The following TRIM24 variants were observed in gnomAD, a reference collection of about 807,000 sequenced individuals.
TRIM24 encodes the protein tripartite motif containing 24, also known as transcription intermediary factor 1-alpha.
In TRIM24, 29 loss-of-function variants were observed where a neutral mutation model predicts 123.9. The observed-to-expected ratio is 0.23, with a 90% CI of 0.17 to 0.32. TRIM24 has a LOEUF of 0.32. Ranked by LOEUF, TRIM24 falls within the 10% of genes least tolerant of loss-of-function variation. TRIM24 has a pLI of 1.00. For synonymous variants in TRIM24, 456 were observed against 461.1 expected (o/e 0.99, Z 0.14); for missense variants, 932 against 1,295.3 (o/e 0.72, Z 4.31).
chr7:138,531,204 T>C (rs995354262), intron 6 of TRIM24, among the ~76,000 whole-genome samples: 2 of 147,918 alleles, frequency 1.4e-5, no homozygotes, highest in African/African-American at 5.3e-5. Context: ...CATGTATACA[T>C]GTATACGTGT....
intron 11 of TRIM24, 48 bp from the exon 12 acceptor site, chr7:138,573,459 T>C (rs1485779786): frequency 6.7e-7 from 1 of 1,491,718 alleles, no homozygotes; most frequent in Non-Finnish European, 8.9e-7. Context: ...AAAGTAGCTT[T>C]TAACTTGCAA....
chr7:138,573,319 C>T (rs1797693469), intron 11 of TRIM24, among the ~76,000 whole-genome samples, 188 bp from the exon 12 acceptor site: 1 of 152,122 alleles, frequency 6.6e-6, no homozygotes, highest in African/African-American at 2.4e-5. Flanking sequence ...AGGTGAAACA[C>T]TAAGATAGTG....
intron 4 of TRIM24, among the ~76,000 whole-genome samples, chr7:138,524,314 C>T (rs960294564): frequency 1.3e-5 from 2 of 152,028 alleles, no homozygotes; most frequent in Non-Finnish European, 1.5e-5. Flanking sequence ...TTAGGAACAA[C>T]ATAAGGGTGA....
intron 4 of TRIM24, among the ~76,000 whole-genome samples, chr7:138,522,763 A>G (rs1358454678): frequency 6.6e-6 from 1 of 152,168 alleles, no homozygotes; most frequent in Non-Finnish European, 1.5e-5. Flanking sequence ...AAATTGATTA[A>G]TCTGTATAAG....
At chr7:138,556,322 T>C (rs1584736912) in intron 9 of TRIM24, 1 of 152,216 alleles carries the variant, frequency 6.6e-6, no homozygotes, top group African/African-American at 2.4e-5. Context: ...GGGTCTGTAA[T>C]TGCTGGCCAC....
intron 1 of TRIM24, among the ~76,000 whole-genome samples, chr7:138,500,967 TAAAA>T (rs57771728): frequency 2.0e-5 from 3 of 147,538 alleles, no homozygotes; most frequent in Non-Finnish European, 4.5e-5. Flanking sequence ...GTGTAAAAGA[TAAAA>T]AAAAAAAGGT....
At chr7:138,539,781 A>G (rs1270522219) in intron 7 of TRIM24, among the ~76,000 whole-genome samples, 1 of 150,800 alleles carries the variant, frequency 6.6e-6, no homozygotes, top group East Asian at 2.0e-4. Flanking sequence ...AAAACAGTGT[A>G]TATACCTCAA....
At chr7:138,535,118 T>C (rs982597915) in intron 6 of TRIM24, among the ~76,000 whole-genome samples, 1 of 152,224 alleles carries the variant, frequency 6.6e-6, no homozygotes, top group African/African-American at 2.4e-5. Flanking sequence ...TCTCTGCATA[T>C]GAGATGGGTC....
At chr7:138,566,577 A>G (rs77485204) in intron 9 of TRIM24, among the ~76,000 whole-genome samples, 2,782 of 152,284 alleles carry the variant, frequency 0.018, 71 homozygotes, top group African/African-American at 0.061. Context: ...CAGTATCTTA[A>G]CAGCCAGCTA....
intron 1 of TRIM24, among the ~76,000 whole-genome samples, chr7:138,488,837 G>T (rs1157903200): frequency 6.6e-6 from 1 of 152,140 alleles, no homozygotes; most frequent in Admixed American, 6.6e-5. Context: ...GATTTGGGGT[G>T]GAGAGTTCTG....
chr7:138,556,090 T>A (rs1320739292), intron 9 of TRIM24, among the ~76,000 whole-genome samples: 1 of 152,222 alleles, frequency 6.6e-6, no homozygotes, highest in Non-Finnish European at 1.5e-5. Flanking sequence ...ATTTAAAAGC[T>A]TTTCCATGTA....
At position 138,586,076 on chromosome 7, in the gene TRIM24, A is replaced by G; in HGVS notation, c.*1125A>G. ...AACATCAAACTTAATCTTTGATCTGACTTCTGATTTTATTCTTCTGATTGA... is the reference window on the plus strand; with the variant it reads ...AACATCAAACTTAATCTTTGATCTGGCTTCTGATTTTATTCTTCTGATTGA... On this transcript the variant is annotated 3_prime_UTR_variant, in exon 19 of 19. Coordinates refer to ENST00000343526, the MANE Select transcript of TRIM24 (RefSeq NM_015905.3). The G allele has an allele frequency of 2.4e-6, 1 of 408,524 alleles. No individual in the cohort carries two copies. The highest frequency in any genetic ancestry group is 5.8e-5 in the East Asian group (1 of 17,370). The allele number at this position is 408,524 out of a possible 1,614,324, so 25.3% of individuals were successfully genotyped here. A position where few individuals can be genotyped will look rare whatever the true frequency, so the allele number is the denominator to read the frequency against.
chr7:138,531,213 G>GTTACACGTTACATGTTACA (rs1796728419), intron 6 of TRIM24, among the ~76,000 whole-genome samples: 1 of 149,576 alleles, frequency 6.7e-6, no homozygotes, highest in African/African-American at 2.5e-5. Context: ...ATGTATACGT[G>GTTACACGTTACATGTTACA]TATGTTACAT....
intron 2 of TRIM24, among the ~76,000 whole-genome samples, chr7:138,509,437 C>T (rs1178285294): frequency 6.7e-6 from 1 of 150,160 alleles, no homozygotes; most frequent in Non-Finnish European, 1.5e-5. Context: ...GGCATGGTGG[C>T]TTATGCCTGT....
intron 11 of TRIM24, among the ~76,000 whole-genome samples, chr7:138,572,140 T>C (rs1014427778): frequency 2.0e-4 from 31 of 152,204 alleles, no homozygotes; most frequent in Middle Eastern, 3.2e-3. Flanking sequence ...AATAGTTGCA[T>C]TGTTAATCTT....
intron 2 of TRIM24, among the ~76,000 whole-genome samples, chr7:138,508,670 T>TGA (rs1796201747): frequency 1.8e-5 from 1 of 56,198 alleles, no homozygotes; most frequent in South Asian, 5.0e-4. Context: ...GGAGTGTGTG[T>TGA]GTGTGTGTGT....
intron 7 of TRIM24, among the ~76,000 whole-genome samples, chr7:138,539,650 G>T (rs1465368050): frequency 6.6e-6 from 1 of 151,800 alleles, no homozygotes; most frequent in Non-Finnish European, 1.5e-5. Flanking sequence ...CCAGACTATC[G>T]CAGTAAAGCA....
intron 12 of TRIM24, among the ~76,000 whole-genome samples, chr7:138,575,459 ATTTTTT>A (rs34375724): frequency 7.9e-6 from 1 of 127,252 alleles, no homozygotes; most frequent in African/African-American, 3.0e-5. Context: ...GGCCTGGCTA[ATTTTTT>A]TTTTTTTTTT....
chr7:138,478,579 T>A (rs924083970), intron 1 of TRIM24, among the ~76,000 whole-genome samples: 3 of 152,160 alleles, frequency 2.0e-5, no homozygotes, highest in African/African-American at 7.2e-5. Context: ...TGGGCTGAAG[T>A]GATCCTCCTA....
Sources: allele counts gnomAD v4.1 joint callset (sites outside exome capture counted in the v4.1 genomes callset), GRCh38; gene constraint gnomAD v4.1.1; transcripts MANE v1.5; gene names NCBI Gene and HGNC (gene_info 2026-07-23, HGNC 2026-07-21).